CCDC158: variants seen among roughly 807,000 people sequenced by gnomAD.
CCDC158 encodes coiled-coil domain containing 158, also known as coiled-coil domain-containing protein 158.
CCDC158 carries 116 observed loss-of-function variants against 138.6 expected under a neutral mutation model. That is an observed-to-expected ratio of 0.84 (90% CI 0.72 to 0.98). CCDC158 has a LOEUF of 0.98. Among genes scored for constraint, CCDC158 ranks in the 50% least tolerant of loss-of-function variants. The pLI is 0.00. For missense variants in CCDC158, 1,265 were observed against 1,306.1 expected (o/e 0.97, Z 0.48); for synonymous variants, 436 against 442.4 (o/e 0.99, Z 0.18).
rs749373036 is a variant in CCDC158 at position 76,325,945 on chromosome 4, T to G, written c.3081A>C (p.Ser1027=). 1.9e-6 allele frequency: 3 copies of G among 1,613,280 alleles called. No individual in the cohort carries two copies. In the Admixed American group the frequency reaches 5.0e-5, roughly 27 times the overall value. The change falls in exon 23 of 25, where the codon TCA becomes TCC. Residue 1027 remains serine, a synonymous_variant. Transcript: ENST00000682701. ...NSSPKKSPVH[S]LLTSSVEGSI... is the part of the protein sequence containing the mutation. ...AACCTTCAACTGAACTAGTTAGGAG[T>G]GAGTGCACTGGAGACTTCTTAGGAG...
At chr4:76,401,279 A>C in intron 3 of CCDC158, 1 of 482,900 alleles carries the variant, frequency 2.1e-6, no homozygotes, top group Non-Finnish European at 4.1e-6. Context: ...CACCCATCAG[A>C]CTTTCTATAA....
intron 3 of CCDC158, among the ~76,000 whole-genome samples, chr4:76,398,073 G>A (rs1727991687): frequency 2.0e-5 from 3 of 152,130 alleles, no homozygotes; most frequent in African/African-American, 4.8e-5. Flanking sequence ...ATGCATCATA[G>A]CACTTTGAAT....
At chr4:76,391,173 A>T (rs1261366117) in intron 4 of CCDC158, among the ~76,000 whole-genome samples, 1 of 152,046 alleles carries the variant, frequency 6.6e-6, no homozygotes, top group Non-Finnish European at 1.5e-5. Flanking sequence ...AAGGCTGAAG[A>T]ATACACAGCC....
chr4:76,399,302 G>A (rs1289657429), intron 3 of CCDC158, among the ~76,000 whole-genome samples: 1 of 151,950 alleles, frequency 6.6e-6, no homozygotes, highest in East Asian at 1.9e-4. Context: ...CACACACTGG[G>A]GCCTATTGGG....
intron 22 of CCDC158, among the ~76,000 whole-genome samples, chr4:76,326,265 A>T (rs746609700): frequency 6.6e-6 from 1 of 152,200 alleles, no homozygotes; most frequent in Non-Finnish European, 1.5e-5. Flanking sequence ...TAATGTGATT[A>T]AATTGACCTG....
At position 76,345,787 on chromosome 4, in the gene CCDC158, A is replaced by T. The variant is rs186055087; in HGVS notation, c.2664+5209T>A. Among the ~76,000 whole-genome samples the T allele has an allele frequency of 6.6e-5, 10 of 152,390 alleles. No individual in the cohort carries two copies. The East Asian group carries it at 1.9e-3, about 29-fold the overall frequency. ...TATTTGATGCTCATGGATAGGAAGAATCAATATCGTGAAAATGGCCATACT... is the reference window on the plus strand; with the variant it reads ...TATTTGATGCTCATGGATAGGAAGATTCAATATCGTGAAAATGGCCATACT... On this transcript the variant is annotated intron_variant, in intron 18 of 24. Transcript: ENST00000682701.
chr4:76,394,947 G>A (rs1394649946), intron 4 of CCDC158, among the ~76,000 whole-genome samples: 1 of 151,936 alleles, frequency 6.6e-6, no homozygotes, highest in Non-Finnish European at 1.5e-5. Flanking sequence ...GGAGGATATA[G>A]AAAATCTATA....
intron 18 of CCDC158, chr4:76,344,618 T>C (rs1459548789): frequency 2.3e-5 from 34 of 1,463,044 alleles, no homozygotes; most frequent in Non-Finnish European, 2.8e-5. Context: ...ATGTGCTCAG[T>C]GAGAGAGATA....
At chr4:76,359,560 A>C (rs1723929891) in intron 13 of CCDC158, among the ~76,000 whole-genome samples, 1 of 152,212 alleles carries the variant, frequency 6.6e-6, no homozygotes, top group East Asian at 1.9e-4. Context: ...TGAAGTAAAG[A>C]TCATTCTTGC....
At position 76,384,271 on chromosome 4, in the gene CCDC158, A is replaced by T. The variant is rs748980455; in HGVS notation, c.543T>A (p.Ser181Arg). 1 of 1,614,008 alleles carries T rather than the reference A, an allele frequency of 6.2e-7. No homozygotes were observed. The change falls in exon 6 of 25, where the codon AGT (serine) becomes AGA (arginine). Residue 181 changes from serine to arginine, a missense_variant. Coordinates refer to ENST00000682701, the MANE Select transcript of CCDC158 (RefSeq NM_001394954.1). ...GGATTTCTTGAAGCACTCCCTCATG[A>T]CTAAGCATCATTTTTCGTAGTTGCT... is the stretch of plus-strand genomic sequence containing the variant. ...QIEQLRKMML[S>R]HEGVLQEIRS... is the part of the protein sequence containing the mutation.
chr4:76,375,794 C>T (rs1317848529), intron 9 of CCDC158: 1 of 562,516 alleles, frequency 1.8e-6, no homozygotes, highest in Non-Finnish European at 3.1e-6. Flanking sequence ...TTTTGAAGTA[C>T]AATTTCTATG....
chr4:76,387,275 C>T (rs767404378), intron 4 of CCDC158, among the ~76,000 whole-genome samples: 10 of 152,086 alleles, frequency 6.6e-5, no homozygotes, highest in Non-Finnish European at 1.2e-4. Flanking sequence ...GTCATGAGGC[C>T]CCCATTCCAA....
intron 9 of CCDC158, among the ~76,000 whole-genome samples, chr4:76,374,866 T>TA (rs1481133198): frequency 6.6e-6 from 1 of 151,778 alleles, no homozygotes; most frequent in African/African-American, 2.4e-5. Context: ...GAGACCAAAT[T>TA]AAAAAAAGAA....
intron 6 of CCDC158, 121 bp from the exon 7 acceptor site, chr4:76,383,859 A>G (rs1726513637): frequency 2.7e-6 from 2 of 749,874 alleles, no homozygotes; most frequent in African/African-American, 1.8e-5. Flanking sequence ...AATCAGATAC[A>G]TTCTATCCCC....
chr4:76,406,348 G>T (rs780703890), intron 2 of CCDC158, among the ~76,000 whole-genome samples: 17 of 152,216 alleles, frequency 1.1e-4, no homozygotes, highest in African/African-American at 2.6e-4. Flanking sequence ...CAGAAGATAC[G>T]GTAAGAACTG....
At position 76,323,749 on chromosome 4, in the gene CCDC158, C is replaced by G. The variant is rs536371884; in HGVS notation, c.3170-340G>C. Among the ~76,000 whole-genome samples the G allele has an allele frequency of 5.9e-5, 9 of 152,208 alleles. No individual in the cohort carries two copies. In the South Asian group the frequency reaches 1.9e-3, roughly 32 times the overall value. ...CATTATAAATGACAGCTTTTCGTAC[C>G]AAGCCTGAGTAGTTTGATTAACTTG... On this transcript the variant is annotated intron_variant, in intron 23 of 24. Coordinates refer to ENST00000682701, the MANE Select transcript of CCDC158 (RefSeq NM_001394954.1).
At chr4:76,357,098 G>A (rs7677266) in intron 14 of CCDC158, among the ~76,000 whole-genome samples, 37,854 of 152,078 alleles carry the variant, frequency 0.25, 4,913 homozygotes, top group African/African-American at 0.3. Flanking sequence ...ATTACTTGAC[G>A]TTAATAGATA....
chr4:76,373,354 C>CTT (rs1404472954), intron 9 of CCDC158, among the ~76,000 whole-genome samples: 3 of 152,212 alleles, frequency 2.0e-5, no homozygotes, highest in African/African-American at 7.2e-5. Flanking sequence ...TTATCATCTA[C>CTT]TTTCTAGTAA....
intron 17 of CCDC158, 71 bp downstream of exon 17, chr4:76,351,649 A>G: frequency 2.3e-6 from 2 of 885,910 alleles, no homozygotes; most frequent in Non-Finnish European, 3.7e-6. Flanking sequence ...TCTAAGGTAC[A>G]CAAGAAAATA....
Sources: allele counts gnomAD v4.1 joint callset (sites outside exome capture counted in the v4.1 genomes callset), GRCh38; gene constraint gnomAD v4.1.1; transcripts MANE v1.5; gene names NCBI Gene and HGNC (gene_info 2026-07-23, HGNC 2026-07-21).